Variants in SCIN observed in about 807,000 individuals in gnomAD.
SCIN encodes scinderin.
SCIN carries 91 observed loss-of-function variants against 91.8 expected under a neutral mutation model. That is an observed-to-expected ratio of 0.99 (90% CI 0.84 to 1.18). SCIN has a LOEUF of 1.18. Ranked by LOEUF, SCIN falls within the 50% of genes most tolerant of loss-of-function variation. The pLI is 0.00. For missense variants in SCIN, 1,087 were observed against 863.9 expected, an observed-to-expected ratio of 1.26 and a Z score of -3.24; for synonymous variants, 367 against 312.6, an observed-to-expected ratio of 1.17 and a Z score of -1.84.
At position 12,651,356 on chromosome 7, in the gene SCIN, C is replaced by A. The variant is rs1034704169; in HGVS notation, c.1960-485C>A. 1.1e-4 allele frequency among the ~76,000 whole-genome samples: 16 copies of A among 152,222 alleles called. No homozygotes were observed. Among genetic ancestry groups the A allele is most frequent in the African/African-American group, 3.9e-4 (16 of 41,456 alleles). On this transcript the variant is annotated intron_variant, in intron 14 of 15. Transcript: ENST00000297029. The surrounding 1 kb of genome is among the most constrained non-coding windows in gnomAD (Gnocchi z 5.9). ...CAAAGAAAGTCCGGCTGCACCACTG[C>A]AGATTCTCTACAGATGCAGATCTTC...
intron 11 of SCIN, among the ~76,000 whole-genome samples, chr7:12,641,374 C>T (rs1055694833): frequency 1.3e-5 from 2 of 152,186 alleles, no homozygotes; most frequent in African/African-American, 4.8e-5. Context: ...AAGACCCACT[C>T]ACCATGGCCT....
chr7:12,622,464 C>T (rs910766568), intron 4 of SCIN, among the ~76,000 whole-genome samples: 123 of 152,110 alleles, frequency 8.1e-4, no homozygotes, highest in African/African-American at 2.8e-3. Context: ...AGAAGAAATT[C>T]TGCTGCAGAG....
chr7:12,586,119 A>G (rs1385352356), intron 3 of SCIN, among the ~76,000 whole-genome samples: 2 of 152,220 alleles, frequency 1.3e-5, no homozygotes, highest in African/African-American at 4.8e-5. Context: ...TATAAAGCCT[A>G]CAACTTACAG....
chr7:12,584,228 G>T (rs896927828), intron 3 of SCIN, among the ~76,000 whole-genome samples: 4 of 152,178 alleles, frequency 2.6e-5, no homozygotes, highest in African/African-American at 9.7e-5. Context: ...TTTAATAGTA[G>T]TAATTGCGCT....
At chr7:12,626,845 A>G in intron 8 of SCIN, 46 bp downstream of exon 8, 1 of 1,385,080 alleles carries the variant, frequency 7.2e-7, no homozygotes, top group Non-Finnish European at 1.0e-6. Context: ...ATGCCAGTGT[A>G]TGTAGGGGGA....
intron 13 of SCIN, among the ~76,000 whole-genome samples, chr7:12,645,018 TAAAA>T (rs35352647): frequency 3.2e-5 from 3 of 93,774 alleles, no homozygotes; most frequent in Non-Finnish European, 1.9e-5. Context: ...AAAACTCCGT[TAAAA>T]AAAAAAAAAA....
At chr7:12,606,587 G>A (rs1318963291) in intron 4 of SCIN, among the ~76,000 whole-genome samples, 1 of 151,980 alleles carries the variant, frequency 6.6e-6, no homozygotes, top group Non-Finnish European at 1.5e-5. Flanking sequence ...TATAATACTA[G>A]GAGAAAAGAC....
chr7:12,630,108 A>T (rs1298971676), intron 9 of SCIN, among the ~76,000 whole-genome samples: 1 of 151,994 alleles, frequency 6.6e-6, no homozygotes, highest in East Asian at 1.9e-4. Flanking sequence ...TCCTCTGCTG[A>T]TATGGTGACA....
chr7:12,651,906 G>T lies in SCIN; in HGVS notation c.2020+5G>T, dbSNP rs1233330249. The T allele has an allele frequency of 8.8e-6, 14 of 1,598,446 alleles. No individual in the cohort carries two copies. In the South Asian group the frequency reaches 1.3e-4, roughly 15 times the overall value. On this transcript the variant is annotated splice_donor_5th_base_variant and intron_variant, in intron 15 of 15. Coordinates refer to ENST00000297029, the MANE Select transcript of SCIN (RefSeq NM_001112706.3). This position sits in a 1 kb window ranked among gnomAD's most constrained non-coding sequence, Gnocchi z 5.9. ...AAAAAGAATCTCTGAAGTCTGGTAA[G>T]CTCAATCGATGGACCATTATAGCAG... is the stretch of plus-strand genomic sequence containing the variant.
At chr7:12,571,043 AG>A (rs1782258805) in intron 1 of SCIN, 58 bp downstream of exon 1, 2 of 1,495,400 alleles carry the variant, frequency 1.3e-6, no homozygotes, top group Non-Finnish European at 1.8e-6. Context: ...GGGAGGGCGT[AG>A]GGGTCTGAGA....
chr7:12,645,981 T>C (rs1218800562), intron 13 of SCIN, among the ~76,000 whole-genome samples: 3 of 152,214 alleles, frequency 2.0e-5, no homozygotes, highest in African/African-American at 7.2e-5. Context: ...TATGTAAATT[T>C]TACATGTCAA....
chr7:12,601,721 C>T (rs922846764), intron 3 of SCIN, among the ~76,000 whole-genome samples: 86 of 152,306 alleles, frequency 5.6e-4, no homozygotes, highest in African/African-American at 2.0e-3. Context: ...TATGCATGCC[C>T]TCTGAATCTC....
intron 3 of SCIN, 53 bp downstream of exon 3, chr7:12,581,274 A>G: frequency 2.0e-6 from 3 of 1,500,714 alleles, no homozygotes; most frequent in Non-Finnish European, 2.7e-6. Flanking sequence ...TTGCTTTCGG[A>G]TCAAATCATA....
intron 4 of SCIN, among the ~76,000 whole-genome samples, chr7:12,611,596 A>G (rs1783192889): frequency 6.6e-6 from 1 of 152,216 alleles, no homozygotes; most frequent in Admixed American, 6.5e-5. Flanking sequence ...TAGATAAATC[A>G]ATCATTCTCC....
In SCIN at chr7:12,652,659, C is replaced by A; in HGVS notation, c.2092C>A (p.His698Asn). 6.2e-7 allele frequency: 1 copy of A among 1,610,542 alleles called. No homozygotes were observed. The highest frequency in any genetic ancestry group is 1.3e-5 in the African/African-American group (1 of 74,636). Reference sequence around the variant, plus strand: ...ACCAATTGTCATCATAAAACAGGGCCATGAGCCACCCACATTCACAGGCTG... The same window carrying A: ...ACCAATTGTCATCATAAAACAGGGCAATGAGCCACCCACATTCACAGGCTG... ...RTPIVIIKQG[H>N]EPPTFTGWFL... The change falls in exon 16 of 16, where the codon CAT becomes AAT. Residue 698 changes from histidine (H) to asparagine (N), a missense_variant. Transcript: ENST00000297029.
intron 8 of SCIN, among the ~76,000 whole-genome samples, chr7:12,627,061 G>A (rs985128582): frequency 5.3e-5 from 8 of 151,874 alleles, no homozygotes; most frequent in Admixed American, 4.6e-4. Flanking sequence ...CTGCACTCCA[G>A]CCTGGGTGAC....
chr7:12,624,191 C>CA (rs1199512954), intron 5 of SCIN, among the ~76,000 whole-genome samples: 1 of 152,152 alleles, frequency 6.6e-6, no homozygotes, highest in Non-Finnish European at 1.5e-5. Flanking sequence ...GGGGCATTTT[C>CA]AAAACTACAG....
intron 3 of SCIN, among the ~76,000 whole-genome samples, chr7:12,590,391 A>T (rs1452184172): frequency 6.6e-6 from 1 of 152,056 alleles, no homozygotes; most frequent in Non-Finnish European, 1.5e-5. Context: ...CATATAGGAC[A>T]GTTTGAGGTT....
intron 3 of SCIN, among the ~76,000 whole-genome samples, chr7:12,591,665 G>C (rs1277581826): frequency 6.6e-6 from 1 of 152,128 alleles, no homozygotes; most frequent in Non-Finnish European, 1.5e-5. Flanking sequence ...AGGGCCTTTG[G>C]CCACTTCATA....
Sources: gnomAD v4.1 joint callset for allele counts (sites outside exome capture counted in the v4.1 genomes callset) on GRCh38, gnomAD v4.1.1 for gene constraint, Gnocchi (gnomAD v3.1) non-coding constraint, MANE v1.5 for transcripts, NCBI Gene and HGNC (gene_info 2026-07-23, HGNC 2026-07-21) for gene names.